The following PCDH8 variants were observed in gnomAD, a reference collection of about 807,000 sequenced individuals.
PCDH8 encodes protocadherin-8.
In PCDH8, 36 loss-of-function variants were observed where a neutral mutation model predicts 58.2. The observed-to-expected ratio is 0.62, with a 90% CI of 0.47 to 0.82. The LOEUF (loss-of-function observed/expected upper bound fraction) is 0.82, where lower values mean the gene tolerates loss of function less well. Among genes scored for constraint, PCDH8 ranks in the 40% least tolerant of loss-of-function variants. PCDH8 has a pLI of 0.00. For missense variants in PCDH8, 1,493 were observed against 1,567.8 expected, an observed-to-expected ratio of 0.95 and a Z score of 0.81; for synonymous variants, 775 against 728.9, an observed-to-expected ratio of 1.06 and a Z score of -1.02.
Position 52,847,189 on chromosome 13 carries a change from G to A in PCDH8, c.1248C>T (p.Thr416=), listed in dbSNP as rs760487603. The change falls in exon 1 of 3, where the codon ACC becomes ACT. Residue 416 remains threonine (T), a synonymous_variant. Transcript: ENST00000377942. ...CGTTGGCGCCCGAGTCCCTGTCCGA[G>A]GTGCTGACCAGGGCCACCAGGCTCT... ...ARESLVALVS[T]SDRDSGANGQ... 8 of 1,468,480 alleles carry A rather than the reference G, an allele frequency of 5.4e-6. No individual in the cohort carries two copies. In the Admixed American group the frequency reaches 1.9e-4, roughly 34 times the overall value. 91.0% of individuals were successfully genotyped at this position (1,468,480 alleles called of 1,614,324 possible).
At position 52,847,994 on chromosome 13, in the gene PCDH8, G is replaced by T; in HGVS notation, c.443C>A (p.Ala148Glu). The T allele has an allele frequency of 6.2e-7, 1 of 1,609,538 alleles. No homozygotes were observed. Among genetic ancestry groups the T allele is most frequent in the Non-Finnish European group, 8.5e-7 (1 of 1,177,148 alleles). The change falls in exon 1 of 3, where the codon GCG becomes GAG. Residue 148 changes from alanine to glutamate, a missense_variant. Ala to Glu is a moderately radical substitution (Grantham distance 107). This residue lies in a region of PCDH8 where 1,307 missense variants were observed against 1,362.7 expected (regional missense o/e 0.96). Coordinates refer to ENST00000377942, the MANE Select transcript of PCDH8 (RefSeq NM_002590.4). ...AQIPVEVSEG[A>E]AVGTRIPLEV... ...CAAGGGGATGCGCGTGCCCACTGCCGCACCCTCGGACACCTCTACCGGGAT... is the reference window on the plus strand; with the variant it reads ...CAAGGGGATGCGCGTGCCCACTGCCTCACCCTCGGACACCTCTACCGGGAT...
chr13:52,844,478 A>G lies in PCDH8; in HGVS notation c.*82T>C. On this transcript the variant is annotated 3_prime_UTR_variant, in exon 3 of 3. Transcript: ENST00000377942. ...ATTGTAAGGCACATCTTGCATATTTATATATACAACACTGAAACCGGTCAA... is the reference window on the plus strand; with the variant it reads ...ATTGTAAGGCACATCTTGCATATTTGTATATACAACACTGAAACCGGTCAA... 8.4e-7 allele frequency: 1 copy of G among 1,191,556 alleles called. No individual in the cohort carries two copies. The highest frequency in any genetic ancestry group is 1.2e-6 in the Non-Finnish European group (1 of 856,070). 73.8% of individuals were successfully genotyped at this position (1,191,556 alleles called of 1,614,324 possible). A position where few individuals can be genotyped will look rare whatever the true frequency, so the allele number is the denominator to read the frequency against.
Position 52,846,013 on chromosome 13 carries a change from G to A in PCDH8, c.2424C>T (p.Ala808=). The part of the protein sequence containing the change: ...GASAPGSPEE[A]ARGAGPRPNM... Reference sequence around the variant, plus strand: ...TGGGCCTGGGCCCGGCTCCCCGGGCGGCCTCCTCCGGGGAGCCGGGAGCCG... The same window carrying A: ...TGGGCCTGGGCCCGGCTCCCCGGGCAGCCTCCTCCGGGGAGCCGGGAGCCG... Residue 808 remains alanine, a synonymous_variant, in exon 1 of 3, where the codon GCC becomes GCT. Transcript: ENST00000377942. 6.8e-7 allele frequency: 1 copy of A among 1,476,818 alleles called. No individual in the cohort carries two copies. The highest frequency in any genetic ancestry group is 2.7e-5 in the East Asian group (1 of 37,534). 91.5% of individuals were successfully genotyped at this position (1,476,818 alleles called of 1,614,324 possible).
chr13:52,845,296 C>G, intron 2 of PCDH8, 129 bp downstream of exon 2: 2 of 860,078 alleles, frequency 2.3e-6, no homozygotes, highest in South Asian at 3.1e-5. Context: ...CCCGTATCCG[C>G]AGCTGTAGGA....
chr13:52,847,564 C>G lies in PCDH8; in HGVS notation c.873G>C (p.Pro291=). The change falls in exon 1 of 3, where the codon CCG becomes CCC. Residue 291 remains proline, a synonymous_variant. Coordinates refer to ENST00000377942, the MANE Select transcript of PCDH8 (RefSeq NM_002590.4). The part of the protein sequence containing the change: ...VVFAFGARTP[P]EARRLFRLDP... Reference sequence around the variant, plus strand: ...CAAGCCGAAAGAGGCGGCGCGCCTCCGGCGGGGTGCGGGCGCCAAATGCGA... The same window carrying G: ...CAAGCCGAAAGAGGCGGCGCGCCTCGGGCGGGGTGCGGGCGCCAAATGCGA... The G allele has an allele frequency of 6.4e-7, 1 of 1,561,472 alleles. No homozygotes were observed. The highest frequency in any genetic ancestry group is 1.7e-4 in the Middle Eastern group (1 of 5,976).
chr13:52,844,576 G>T lies in PCDH8; in HGVS notation c.3197C>A (p.Ala1066Asp), dbSNP rs1046627341. The T allele has an allele frequency of 1.3e-6, 2 of 1,591,910 alleles. No individual in the cohort carries two copies. The highest frequency in any genetic ancestry group is 8.6e-7 in the Non-Finnish European group (1 of 1,168,262). The change falls in exon 3 of 3, where the codon GCC becomes GAC. Residue 1066 changes from alanine to aspartate, a missense_variant. Ala to Asp is a moderately radical substitution (Grantham distance 126). Coordinates refer to ENST00000377942, the MANE Select transcript of PCDH8 (RefSeq NM_002590.4). ...AGCATGGGATTACACATTTTCATTG[G>T]CTCCCTTCTTCGGGGACAGGTACCT... ...PGRYLSPKKG[A>D]NENV is the part of the protein sequence containing the mutation.
In PCDH8 at chr13:52,845,288, C is replaced by G. The variant is rs143537854; in HGVS notation, c.2839+137G>C. 2.5e-5 allele frequency: 20 copies of G among 810,696 alleles called. No individual in the cohort carries two copies. The East Asian group carries it at 5.3e-4, about 22-fold the overall frequency. 50.2% of individuals were successfully genotyped at this position (810,696 alleles called of 1,614,324 possible). A position where few individuals can be genotyped will look rare whatever the true frequency, so the allele number is the denominator to read the frequency against. On this transcript the variant is annotated intron_variant, in intron 2 of 2. Transcript: ENST00000377942. ...TGAAATTCACCGTGTGAGGCAGGCC[C>G]GTATCCGCAGCTGTAGGAGTGAGAA...
At position 52,846,141 on chromosome 13, in the gene PCDH8, C is replaced by T; in HGVS notation, c.2296G>A (p.Ala766Thr). The T allele has an allele frequency of 6.3e-7, 1 of 1,581,558 alleles. No homozygotes were observed. ...CAGGTGGTGGCGATGGCGATGATGG[C>T]GGCCAGCAGCAGCGTGCAGCTCCCG... is the stretch of plus-strand genomic sequence containing the variant. ...LAGSCTLLLA[A>T]IIAIATTCNR... Residue 766 changes from alanine (A) to threonine (T), a missense_variant, in exon 1 of 3, where the codon GCC (alanine) becomes ACC (threonine). Ala to Thr is a moderately conservative substitution (Grantham distance 58). Around this residue, in one of 3 missense-constraint regions of PCDH8, gnomAD observed 1,307 missense variants for 1,362.7 expected, o/e 0.96. Coordinates refer to ENST00000377942, the MANE Select transcript of PCDH8 (RefSeq NM_002590.4).
At position 52,844,923 on chromosome 13, in the gene PCDH8, C is replaced by G. The variant is rs764149792; in HGVS notation, c.2850G>C (p.Ala950=). 8.2e-5 allele frequency: 125 copies of G among 1,523,666 alleles called. No homozygotes were observed. The highest frequency in any genetic ancestry group is 1.1e-4 in the Non-Finnish European group (123 of 1,136,028). The allele number at this position is 1,523,666 out of a possible 1,614,324, so 94.4% of individuals were successfully genotyped here. ...CCAGGATCTTACACTCAGCGGTGCA[C>G]GCCCACAGTCCTAATACGAAAGGGA... ...LINHMQSGLW[A]CTAECKILGH... is the part of the protein sequence containing the mutation. Residue 950 remains alanine (A), a synonymous_variant, in exon 3 of 3, where the codon GCG becomes GCC. Transcript: ENST00000377942.
chr13:52,846,422 A>T lies in PCDH8; in HGVS notation c.2015T>A (p.Leu672Gln), dbSNP rs115628183. 1,148 of 1,599,240 alleles carry T rather than the reference A, an allele frequency of 7.2e-4. 4 individuals are homozygous for T. The African/African-American group carries it at 0.013, about 18-fold the overall frequency. Residue 672 changes from leucine (L) to glutamine (Q), a missense_variant, in exon 1 of 3, where the codon CTG becomes CAG. Leu to Gln is a moderately radical substitution (Grantham distance 113, BLOSUM62 -2). This residue lies in a region of PCDH8 where 1,307 missense variants were observed against 1,362.7 expected (regional missense o/e 0.96). Coordinates refer to ENST00000377942, the MANE Select transcript of PCDH8 (RefSeq NM_002590.4). ...CTCCTGCGAGAGGTCGCCGGTGAGC[A>T]GTATCTCCCCCGTGCGGCGGCCGAT... is the stretch of plus-strand genomic sequence containing the variant. ...FAIGRRTGEI[L>Q]LTGDLSQEPP...
At chr13:52,845,065 G>T in intron 2 of PCDH8, 132 bp from the exon 3 acceptor site, 1 of 972,568 alleles carries the variant, frequency 1.0e-6, no homozygotes, top group Non-Finnish European at 1.5e-6. Context: ...GATATACACC[G>T]TGTCTCAAGA....
At chr13:52,845,775 AG>A in intron 1 of PCDH8, 30 bp downstream of exon 1, 3 of 1,497,556 alleles carry the variant, frequency 2.0e-6, no homozygotes, top group South Asian at 1.3e-5. Flanking sequence ...CGGAGCTCGG[AG>A]GGGGGCGCCC....
At position 52,847,441 on chromosome 13, in the gene PCDH8, C is replaced by A; in HGVS notation, c.996G>T (p.Gly332=). ...LDVRAQDRGP[G]PRAATCKVIV... is the part of the protein sequence containing the mutation. ...TGACCTTGCAGGTGGCAGCGCGGGG[C>A]CCGGGTCCGCGGTCCTGCGCCCGCA... Residue 332 remains glycine (G), a synonymous_variant, in exon 1 of 3, where the codon GGG becomes GGT. Coordinates refer to ENST00000377942, the MANE Select transcript of PCDH8 (RefSeq NM_002590.4). 6.3e-7 allele frequency: 1 copy of A among 1,587,056 alleles called. No homozygotes were observed.
Position 52,847,736 on chromosome 13 carries a change from C to T in PCDH8, c.701G>A (p.Arg234His), listed in dbSNP as rs1965765755. ...GCTGTGGTCATTCGCATCCAGGACG[C>T]GCACGCTGAGGGCAGCCGTGGCGGA... ...PRSATAALSV[R>H]VLDANDHSPA... The change falls in exon 1 of 3, where the codon CGC (arginine) becomes CAC (histidine). Residue 234 changes from arginine (R) to histidine (H), a missense_variant. By Grantham distance (29) the Arg-to-His change is conservative. Around this residue, in one of 3 missense-constraint regions of PCDH8, gnomAD observed 1,307 missense variants for 1,362.7 expected, o/e 0.96. Transcript: ENST00000377942. 1.3e-6 allele frequency: 2 copies of T among 1,502,672 alleles called. No homozygotes were observed. 93.1% of individuals were successfully genotyped at this position (1,502,672 alleles called of 1,614,324 possible).
chr13:52,846,688 G>A lies in PCDH8; in HGVS notation c.1749C>T (p.Asp583=). The A allele has an allele frequency of 6.2e-7, 1 of 1,600,160 alleles. No individual in the cohort carries two copies. Among genetic ancestry groups the A allele is most frequent in the Non-Finnish European group, 8.5e-7 (1 of 1,177,054 alleles). ...RQLDVRIQAS[D]GGSPQLSSSA... ...TGCTGGAAAGCTGAGGGGAGCCGCC[G>A]TCGCTAGCTTGGATGCGAACGTCGA... Residue 583 remains aspartate, a synonymous_variant, in exon 1 of 3, where the codon GAC becomes GAT. Coordinates refer to ENST00000377942, the MANE Select transcript of PCDH8 (RefSeq NM_002590.4).
chr13:52,846,248 G>C lies in PCDH8; in HGVS notation c.2189C>G (p.Ser730Cys), dbSNP rs777532999. Residue 730 changes from serine (S) to cysteine (C), a missense_variant, in exon 1 of 3, where the codon TCC becomes TGC. By Grantham distance (112) the Ser-to-Cys change is moderately radical (BLOSUM62 -1). This residue lies in a region of PCDH8 where 1,307 missense variants were observed against 1,362.7 expected (regional missense o/e 0.96). Transcript: ENST00000377942. ...CCCGAGCCGAGAGCCAGGCGGGCGG[G>C]AACGCTCCGGGCTTCCTGCACTGGC... ...APASAGSPERSRPPGSRLGVS... is the reference protein window; with the variant it reads ...APASAGSPERCRPPGSRLGVS... 16 of 1,583,710 alleles carry C rather than the reference G, an allele frequency of 1.0e-5. No homozygotes were observed. Among genetic ancestry groups the C allele is most frequent in the Non-Finnish European group, 1.4e-5 (16 of 1,171,650 alleles).
chr13:52,847,293 C>T lies in PCDH8; in HGVS notation c.1144G>A (p.Ala382Thr), dbSNP rs1252220933. The T allele has an allele frequency of 2.9e-6, 4 of 1,392,814 alleles. No homozygotes were observed. The East Asian group carries it at 1.2e-4, about 40-fold the overall frequency. The allele number at this position is 1,392,814 out of a possible 1,614,324, so 86.3% of individuals were successfully genotyped here. A position where few individuals can be genotyped will look rare whatever the true frequency, so the allele number is the denominator to read the frequency against. ...GCTCCCGCCGGCGAGCTAGCGTCCG[C>T]TCCCCCGAGTGCAGCGGCGGCGGCG... The part of the protein sequence containing the change: ...AAAAAAALGG[A>T]DASSPAGAGT... Residue 382 changes from alanine (A) to threonine (T), a missense_variant, in exon 1 of 3, where the codon GCG (alanine) becomes ACG (threonine). Around this residue, in one of 3 missense-constraint regions of PCDH8, gnomAD observed 1,307 missense variants for 1,362.7 expected, o/e 0.96. Transcript: ENST00000377942.
chr13:52,846,689 T>G lies in PCDH8; in HGVS notation c.1748A>C (p.Asp583Ala). Residue 583 changes from aspartate to alanine, a missense_variant, in exon 1 of 3, where the codon GAC becomes GCC. This residue lies in a region of PCDH8 where 1,307 missense variants were observed against 1,362.7 expected (regional missense o/e 0.96). Transcript: ENST00000377942. The stretch of plus-strand genomic sequence containing the variant: ...GCTGGAAAGCTGAGGGGAGCCGCCG[T>G]CGCTAGCTTGGATGCGAACGTCGAG... The part of the protein sequence containing the change: ...RQLDVRIQAS[D>A]GGSPQLSSSA... 6.2e-7 allele frequency: 1 copy of G among 1,600,190 alleles called. No individual in the cohort carries two copies. Among genetic ancestry groups the G allele is most frequent in the Non-Finnish European group, 8.5e-7 (1 of 1,177,158 alleles).
chr13:52,846,885 T>C lies in PCDH8; in HGVS notation c.1552A>G (p.Thr518Ala). Residue 518 changes from threonine (T) to alanine (A), a missense_variant, in exon 1 of 3, where the codon ACG becomes GCG. Physicochemically the swap from Thr to Ala is moderately conservative, Grantham distance 58. This residue lies in a region of PCDH8 where 1,307 missense variants were observed against 1,362.7 expected (regional missense o/e 0.96). Transcript: ENST00000377942. ...AGGTCCCGGTCGCGGGCGGCCACCG[T>C]GGCCAGGTAGGCGCCTGGCGGGTTG... ...ENNPPGAYLA[T>A]VAARDRDLGR... 6.4e-7 allele frequency: 1 copy of C among 1,562,610 alleles called. No homozygotes were observed. Among genetic ancestry groups the C allele is most frequent in the South Asian group, 1.2e-5 (1 of 86,100 alleles).
Sources: allele counts gnomAD v4.1 joint callset, GRCh38; gene constraint gnomAD v4.1.1; regional missense constraint gnomAD v4.1.1; transcripts MANE v1.5; gene names NCBI Gene and HGNC (gene_info 2026-07-23, HGNC 2026-07-21).